The following PAK1 variants were observed in gnomAD, a reference collection of about 807,000 sequenced individuals.
PAK1 encodes the protein serine/threonine-protein kinase PAK 1.
In PAK1, 29 loss-of-function variants were observed where a neutral mutation model predicts 67.4. The ratio of observed to expected loss-of-function variants is 0.43; its 90% CI spans 0.32 to 0.59. PAK1 has a LOEUF of 0.59. Among genes scored for constraint, PAK1 ranks in the 20% least tolerant of loss-of-function variants. The probability of loss-of-function intolerance (pLI) is 0.07; values close to 1 mark genes in which losing one functional copy is unlikely to be tolerated. For missense variants in PAK1, 337 were observed against 670.7 expected (o/e 0.50, Z 5.50); for synonymous variants, 223 against 237.4 (o/e 0.94, Z 0.56).
chr11:77,460,546 G>A (rs1957298050), intron 1 of PAK1, among the ~76,000 whole-genome samples: 1 of 141,638 alleles, frequency 7.1e-6, no homozygotes, highest in Non-Finnish European at 1.6e-5. Context: ...TGGGATCCCA[G>A]GAGCACTTTT....
chr11:77,435,737 T>C (rs936114742), intron 1 of PAK1, among the ~76,000 whole-genome samples: 1 of 145,760 alleles, frequency 6.9e-6, no homozygotes, highest in African/African-American at 2.5e-5. Context: ...CTCAATCTCC[T>C]GACCTCGTGA....
chr11:77,353,346 C>G (rs926074854), intron 8 of PAK1, 190 bp downstream of exon 8: 1 of 511,864 alleles, frequency 2.0e-6, no homozygotes, highest in Admixed American at 3.5e-5. Flanking sequence ...CAGCTAATGG[C>G]ATCTCTCTCA....
chr11:77,342,668 T>C (rs918115619), intron 10 of PAK1, among the ~76,000 whole-genome samples: 2 of 152,184 alleles, frequency 1.3e-5, no homozygotes, highest in Admixed American at 1.3e-4. Flanking sequence ...TTCTTTATAG[T>C]GTTGGGAATG....
At chr11:77,459,306 T>C (rs1475083333) in intron 1 of PAK1, among the ~76,000 whole-genome samples, 1 of 152,142 alleles carries the variant, frequency 6.6e-6, no homozygotes, top group Admixed American at 6.5e-5. Flanking sequence ...GCACAAAGAC[T>C]GGTTGCCACG....
chr11:77,521,450 A>G, the PAK1 span, among the ~76,000 whole-genome samples: 1 of 150,978 alleles, frequency 6.6e-6, no homozygotes, highest in African/African-American at 2.4e-5. Flanking sequence ...AATTGCTTGA[A>G]CCCGGGAGGT....
intron 1 of PAK1, among the ~76,000 whole-genome samples, chr11:77,421,837 A>G (rs115275591): frequency 0.014 from 2,117 of 152,324 alleles, 40 homozygotes; most frequent in African/African-American, 0.049. Flanking sequence ...CTATAAGAAC[A>G]TTATAATAAT....
chr11:77,355,587 G>C lies in PAK1; in HGVS notation c.772+81C>G, dbSNP rs556789723. The C allele has an allele frequency of 1.1e-5, 13 of 1,198,512 alleles. No homozygotes were observed. In the South Asian group the frequency reaches 1.2e-4, roughly 11 times the overall value. 74.2% of individuals were successfully genotyped at this position (1,198,512 alleles called of 1,614,324 possible). On this transcript the variant is annotated intron_variant, in intron 7 of 14. Transcript: ENST00000356341. ...CCAAGCATGGCCAGCCAGCTGCATG[G>C]ACCAAGCCTACGACCAGCAAATCTC...
At chr11:77,494,788 T>C in the PAK1 span, among the ~76,000 whole-genome samples, 1 of 151,980 alleles carries the variant, frequency 6.6e-6, no homozygotes, top group Non-Finnish European at 1.5e-5. Flanking sequence ...GGGAAGCTGA[T>C]GCAGGAGGAT....
intron 1 of PAK1, among the ~76,000 whole-genome samples, chr11:77,465,002 G>C (rs575540710): frequency 6.6e-6 from 1 of 150,640 alleles, no homozygotes; most frequent in Non-Finnish European, 1.5e-5. Flanking sequence ...GTGTGTGTGT[G>C]TGTGTGTGTG....
chr11:77,331,854 A>C (rs1227524298), intron 14 of PAK1, among the ~76,000 whole-genome samples: 1 of 150,610 alleles, frequency 6.6e-6, no homozygotes, highest in Admixed American at 6.6e-5. Context: ...ATAAAATAAA[A>C]TAAACTTATG....
intron 10 of PAK1, 126 bp from the exon 11 acceptor site, chr11:77,340,889 T>A (rs1180712393): frequency 3.0e-6 from 2 of 675,724 alleles, no homozygotes; most frequent in Admixed American, 4.3e-5. Flanking sequence ...AAGTAAAAGG[T>A]TCTTTACTTT....
chr11:77,437,807 C>T (rs556467122), intron 1 of PAK1, among the ~76,000 whole-genome samples: 14 of 152,290 alleles, frequency 9.2e-5, no homozygotes, highest in Non-Finnish European at 1.6e-4. Context: ...ATATGGATCT[C>T]CCTTCTAGAC....
At chr11:77,393,796 A>G (rs535608322) in intron 1 of PAK1, among the ~76,000 whole-genome samples, 2 of 152,190 alleles carry the variant, frequency 1.3e-5, no homozygotes, top group South Asian at 4.2e-4. Context: ...TGAGGTCAGG[A>G]GTTTGAGACC....
At chr11:77,506,106 A>C in the PAK1 span, among the ~76,000 whole-genome samples, 2 of 152,338 alleles carry the variant, frequency 1.3e-5, no homozygotes. Context: ...AATGATAACC[A>C]ACGACTGACA....
At chr11:77,437,696 G>C (rs115629674) in intron 1 of PAK1, among the ~76,000 whole-genome samples, 3 of 151,794 alleles carry the variant, frequency 2.0e-5, no homozygotes, top group African/African-American at 7.3e-5. Context: ...AGACTTATGC[G>C]GTCCAAAATA....
chr11:77,457,601 T>A (rs192108505), intron 1 of PAK1, among the ~76,000 whole-genome samples: 1 of 152,112 alleles, frequency 6.6e-6, no homozygotes, highest in Admixed American at 6.5e-5. Context: ...AAAGCAACAA[T>A]TGGCTGACCT....
chr11:77,490,467 G>GC, the PAK1 span, among the ~76,000 whole-genome samples: 1 of 123,310 alleles, frequency 8.1e-6, no homozygotes, highest in East Asian at 2.5e-4. Context: ...GGGGGGGTCA[G>GC]CCCCCCGCCC....
chr11:77,506,619 G>A, the PAK1 span, among the ~76,000 whole-genome samples: 1 of 152,196 alleles, frequency 6.6e-6, no homozygotes, highest in Non-Finnish European at 1.5e-5. Context: ...AGGTGAGAAG[G>A]GGAATGGAGG....
chr11:77,489,865 C>A, the PAK1 span, among the ~76,000 whole-genome samples: 2 of 152,188 alleles, frequency 1.3e-5, no homozygotes, highest in Non-Finnish European at 2.9e-5. Context: ...TCTGCCCGGC[C>A]ACCACCCCGT....
Sources: gnomAD v4.1 joint callset for allele counts (sites outside exome capture counted in the v4.1 genomes callset) on GRCh38, gnomAD v4.1.1 for gene constraint, MANE v1.5 for transcripts, NCBI Gene and HGNC (gene_info 2026-07-23, HGNC 2026-07-21) for gene names.